STK32B: variants seen among roughly 807,000 people sequenced by gnomAD.
STK32B encodes the protein serine/threonine kinase 32B, also known as serine/threonine-protein kinase 32B.
In STK32B, 43 loss-of-function variants were observed where a neutral mutation model predicts 52.6. The ratio of observed to expected loss-of-function variants is 0.82; its 90% CI spans 0.64 to 1.05. STK32B has a LOEUF of 1.05. STK32B is among the 50% of genes least tolerant of loss of function. The probability of loss-of-function intolerance (pLI) is 0.00; values close to 1 mark genes in which losing one functional copy is unlikely to be tolerated. For synonymous variants in STK32B, 238 were observed against 204.3 expected (o/e 1.17, Z -1.41); for missense variants, 621 against 534.6 (o/e 1.16, Z -1.59).
Position 5,380,878 on chromosome 4 carries a change from T to C in STK32B, c.435-17329T>C, listed in dbSNP as rs1735893764. On this transcript the variant is annotated intron_variant, in intron 4 of 11. Coordinates refer to ENST00000282908, the MANE Select transcript of STK32B (RefSeq NM_018401.3). The surrounding 1 kb of genome is among the most constrained non-coding windows in gnomAD (Gnocchi z 4.3). ...AGACTCAGAGGAGGGAAGGCGCCTG[T>C]TCAAGGTCCTGCAGCTCATCATAGT... 6.6e-6 allele frequency among the ~76,000 whole-genome samples: 1 copy of C among 152,084 alleles called. No homozygotes were observed. The highest frequency in any genetic ancestry group is 1.5e-5 in the Non-Finnish European group (1 of 68,008).
chr4:5,435,129 C>G (rs1468771511), intron 6 of STK32B, among the ~76,000 whole-genome samples: 1 of 152,238 alleles, frequency 6.6e-6, no homozygotes, highest in Non-Finnish European at 1.5e-5. Context: ...ATGGCAGTTA[C>G]AGTTGGCATT....
At chr4:5,237,804 CAT>C (rs1172240156) in intron 3 of STK32B, among the ~76,000 whole-genome samples, 6 of 152,164 alleles carry the variant, frequency 3.9e-5, no homozygotes, top group Admixed American at 3.3e-4. Flanking sequence ...TGCCAGGTGT[CAT>C]GTGTGAGAAC....
intron 3 of STK32B, among the ~76,000 whole-genome samples, chr4:5,285,598 TC>T (rs1474386474): frequency 1.3e-5 from 2 of 152,170 alleles, no homozygotes; most frequent in African/African-American, 4.8e-5. Flanking sequence ...AATTCACATT[TC>T]TGAACTTGTA....
At chr4:5,147,550 T>C (rs531404118) in intron 2 of STK32B, among the ~76,000 whole-genome samples, 2 of 152,224 alleles carry the variant, frequency 1.3e-5, no homozygotes, top group South Asian at 4.1e-4. Context: ...AGAACATCTT[T>C]ACCTGTAAGT....
chr4:5,196,089 A>G (rs1247226088), intron 3 of STK32B, among the ~76,000 whole-genome samples: 2 of 152,180 alleles, frequency 1.3e-5, no homozygotes, highest in African/African-American at 4.8e-5. Context: ...AAGACAGGCT[A>G]GCTTTAAACT....
chr4:5,339,103 G>A (rs1383131745), intron 4 of STK32B, among the ~76,000 whole-genome samples: 1 of 152,120 alleles, frequency 6.6e-6, no homozygotes, highest in Non-Finnish European at 1.5e-5. Flanking sequence ...AGTCATCACT[G>A]CTCCAGGTTT....
rs1239302462 is a variant in STK32B, at chr4:5,232,553, C to T, written c.260+64103C>T. Among the ~76,000 whole-genome samples the T allele has an allele frequency of 2.0e-5, 3 of 152,192 alleles. 1 individual carries two copies. The South Asian group carries it at 6.2e-4, about 32-fold the overall frequency. ...AATTCTGTCTAGATACCTAAGGAGT[C>T]CAGGTCTAGAATCCCTGATGGGACA... On this transcript the variant is annotated intron_variant, in intron 3 of 11. Coordinates refer to ENST00000282908, the MANE Select transcript of STK32B (RefSeq NM_018401.3).
At chr4:5,415,586 T>C (rs1712092689) in intron 5 of STK32B, among the ~76,000 whole-genome samples, 2 of 152,196 alleles carry the variant, frequency 1.3e-5, no homozygotes, top group Admixed American at 1.3e-4. Context: ...ATACTGTGCA[T>C]CCCAGCAAAG....
intron 1 of STK32B, among the ~76,000 whole-genome samples, chr4:5,124,141 G>A (rs760574281): frequency 6.6e-6 from 1 of 152,040 alleles, no homozygotes; most frequent in Non-Finnish European, 1.5e-5. Context: ...TTGGCCAGGG[G>A]AACTATCACA....
chr4:5,498,874 C>T, intron 11 of STK32B, 71 bp from the exon 12 acceptor site: 1 of 1,507,352 alleles, frequency 6.6e-7, no homozygotes, highest in South Asian at 1.3e-5. Flanking sequence ...CCTGCCTGCC[C>T]AGTGTGTCTC....
At chr4:5,271,835 G>A (rs1266315780) in intron 3 of STK32B, among the ~76,000 whole-genome samples, 1 of 138,432 alleles carries the variant, frequency 7.2e-6, no homozygotes, top group Non-Finnish European at 1.5e-5. Context: ...GAATGCTTGT[G>A]ATTTTTGTAC....
intron 6 of STK32B, among the ~76,000 whole-genome samples, chr4:5,445,630 C>T (rs1028183204): frequency 2.0e-5 from 3 of 152,172 alleles, no homozygotes; most frequent in Non-Finnish European, 2.9e-5. Context: ...CTTGGGCCTC[C>T]ATCCCCTTCG....
chr4:5,353,311 C>T (rs1384305275), intron 4 of STK32B, among the ~76,000 whole-genome samples: 5 of 147,220 alleles, frequency 3.4e-5, no homozygotes, highest in African/African-American at 1.1e-4. Flanking sequence ...TGGAAGAAAA[C>T]AAGGAAAACA....
At chr4:5,498,235 T>C (rs1418139600) in intron 11 of STK32B, among the ~76,000 whole-genome samples, 2 of 152,190 alleles carry the variant, frequency 1.3e-5, no homozygotes, top group Admixed American at 1.3e-4. Flanking sequence ...AGCTGTGGTA[T>C]AGCGAATGAA....
the STK32B span, among the ~76,000 whole-genome samples, chr4:5,036,729 G>T: frequency 2.9e-4 from 40 of 137,974 alleles, no homozygotes; most frequent in African/African-American, 1.1e-3. Flanking sequence ...GTGCCGTGGC[G>T]TGATCTTGGC....
At chr4:5,480,751 G>A (rs954158220) in intron 11 of STK32B, among the ~76,000 whole-genome samples, 1 of 148,632 alleles carries the variant, frequency 6.7e-6, no homozygotes, top group Non-Finnish European at 1.5e-5. Context: ...CCCCACAACA[G>A]GCCCCAGTGT....
rs998333256 is a variant in STK32B at position 5,396,282 on chromosome 4, C to T, written c.435-1925C>T. 2.4e-4 allele frequency among the ~76,000 whole-genome samples: 37 copies of T among 152,190 alleles called. No homozygotes were observed. The highest frequency in any genetic ancestry group is 8.2e-4 in the African/African-American group (34 of 41,446). ...GCGTTTCTGGTTCATGGCTGCATCA[C>T]TCCAGTATCTGCTTCCATCTCCCCA... is the stretch of plus-strand genomic sequence containing the variant. On this transcript the variant is annotated intron_variant, in intron 4 of 11. Transcript: ENST00000282908. This position sits in a 1 kb window ranked among gnomAD's most constrained non-coding sequence, Gnocchi z 4.7.
the STK32B span, among the ~76,000 whole-genome samples, chr4:5,032,476 C>CAAAAAAAAAAAAAAAAAAAAAAAAATA: frequency 2.0e-5 from 1 of 49,696 alleles, no homozygotes; most frequent in East Asian, 9.6e-4. Flanking sequence ...GACTCCATCT[C>CAAAAAAAAAAAAAAAAAAAAAAAAATA]AAAAAAAAAA....
rs552417225 is a variant in STK32B, at chr4:5,494,717, TTGTTCCTTTCCATG to T, written c.1107-4226_1107-4213del. On this transcript the variant is annotated intron_variant, in intron 11 of 11. Coordinates refer to ENST00000282908, the MANE Select transcript of STK32B (RefSeq NM_018401.3). Reference sequence around the variant, plus strand: ...ATGATGTTGCAGTGGCTGCTACCAGTTGTTCCTTTCCATGTTTAGTGCTTGCTTCAGGAGCTCTT... The same window carrying T: ...ATGATGTTGCAGTGGCTGCTACCAGTTTTAGTGCTTGCTTCAGGAGCTCTT... Among the ~76,000 whole-genome samples the T allele has an allele frequency of 1.8e-3, 267 of 152,360 alleles. 2 individuals are homozygous for T. The South Asian group carries it at 0.023, about 13-fold the overall frequency.
Sources: allele counts gnomAD v4.1 joint callset (sites outside exome capture counted in the v4.1 genomes callset), GRCh38; gene constraint gnomAD v4.1.1; non-coding constraint Gnocchi (gnomAD v3.1); transcripts MANE v1.5; gene names NCBI Gene and HGNC (gene_info 2026-07-23, HGNC 2026-07-21).